The following MICU3 variants were observed in gnomAD, a reference collection of about 807,000 sequenced individuals.
MICU3 encodes the protein calcium uptake protein 3, mitochondrial.
MICU3 carries 62 observed loss-of-function variants against 66.5 expected under a neutral mutation model. The observed-to-expected ratio is 0.93, with a 90% CI of 0.76 to 1.15. The LOEUF is 1.15. MICU3 is among the 50% of genes most tolerant of loss of function. The pLI is 0.00. For synonymous variants in MICU3, 308 were observed against 240.7 expected (o/e 1.28, Z -2.59); for missense variants, 779 against 664.4 (o/e 1.17, Z -1.90).
intron 1 of MICU3, among the ~76,000 whole-genome samples, chr8:17,045,200 A>G (rs1039612547): frequency 7.2e-5 from 11 of 152,206 alleles, no homozygotes; most frequent in African/African-American, 2.7e-4. Context: ...GATAGATAAC[A>G]TATGTTTTTG....
intron 1 of MICU3, among the ~76,000 whole-genome samples, chr8:17,063,318 A>G (rs1045001593): frequency 6.6e-6 from 1 of 152,188 alleles, no homozygotes; most frequent in African/African-American, 2.4e-5. Context: ...GTATGGTAAA[A>G]TCCCACTTTT....
intron 1 of MICU3, among the ~76,000 whole-genome samples, chr8:17,063,305 C>T (rs551849366): frequency 6.6e-6 from 1 of 152,046 alleles, no homozygotes; most frequent in Admixed American, 6.6e-5. Context: ...GTTATTGAAG[C>T]ATGTATGGTA....
chr8:17,079,224 TA>T (rs1265060868), intron 4 of MICU3, among the ~76,000 whole-genome samples: 1 of 121,642 alleles, frequency 8.2e-6, no homozygotes, highest in Admixed American at 8.2e-5. Context: ...TGCTGTCTCT[TA>T]TGGTAGCTAC....
intron 2 of MICU3, 71 bp from the exon 3 acceptor site, chr8:17,069,617 T>G (rs1428103827): frequency 2.1e-6 from 2 of 956,170 alleles, no homozygotes; most frequent in Admixed American, 2.5e-5. Flanking sequence ...TGGTTGTAGA[T>G]GGTTAGCAAA....
chr8:17,029,225 C>G (rs1811579567), intron 1 of MICU3, among the ~76,000 whole-genome samples: 1 of 152,182 alleles, frequency 6.6e-6, no homozygotes, highest in Non-Finnish European at 1.5e-5. Flanking sequence ...CCTGTAATCC[C>G]AGCACTTTGG....
intron 13 of MICU3, 41 bp downstream of exon 13, chr8:17,116,641 A>T: frequency 2.9e-6 from 4 of 1,378,992 alleles, no homozygotes; most frequent in Non-Finnish European, 3.9e-6. Context: ...TCCTTTTTAA[A>T]GTCTGAGGGA....
chr8:17,040,769 A>G (rs1813931836), intron 1 of MICU3, among the ~76,000 whole-genome samples: 2 of 152,190 alleles, frequency 1.3e-5, no homozygotes, highest in South Asian at 2.1e-4. Context: ...GTCCCACTGT[A>G]TCTGCTGGTT....
chr8:17,039,820 G>A (rs978578467), intron 1 of MICU3, among the ~76,000 whole-genome samples: 1 of 147,768 alleles, frequency 6.8e-6, no homozygotes, highest in Admixed American at 6.8e-5. Flanking sequence ...TTATGGCTCA[G>A]TGTAATATTT....
intron 1 of MICU3, among the ~76,000 whole-genome samples, chr8:17,050,646 C>G (rs1039108186): frequency 1.3e-5 from 2 of 152,144 alleles, no homozygotes; most frequent in African/African-American, 4.8e-5. Flanking sequence ...CATTGCTATT[C>G]TCTAACAGTT....
chr8:17,075,448 C>T (rs1256300065), intron 3 of MICU3, among the ~76,000 whole-genome samples: 1 of 152,042 alleles, frequency 6.6e-6, no homozygotes, highest in African/African-American at 2.4e-5. Context: ...CGGGTATGAA[C>T]CAAGGATTTA....
At chr8:17,117,793 A>T (rs1306102379) in intron 13 of MICU3, among the ~76,000 whole-genome samples, 2 of 152,076 alleles carry the variant, frequency 1.3e-5, no homozygotes, top group African/African-American at 4.8e-5. Flanking sequence ...TATTTTTAGT[A>T]GAGACAGGGT....
chr8:17,109,897 A>G (rs966922516), intron 11 of MICU3, among the ~76,000 whole-genome samples: 1 of 152,240 alleles, frequency 6.6e-6, no homozygotes, highest in East Asian at 1.9e-4. Context: ...TTAAGCTTTA[A>G]GGAAATGGAT....
rs537973141 is a variant in MICU3 at position 17,028,458 on chromosome 8, T to G, written c.381+798T>G. Among the ~76,000 whole-genome samples, 334 of 152,338 alleles carry G rather than the reference T, an allele frequency of 2.2e-3. 1 individual carries two copies. Among genetic ancestry groups the G allele is most frequent in the Non-Finnish European group, 3.8e-3 (261 of 68,022 alleles). ...GAGTAAAGGAGCGTGATTTTTTTTG[T>G]CGCATCAGTATATTTAATAGTCATG... On this transcript the variant is annotated intron_variant, in intron 1 of 14. Transcript: ENST00000318063.
intron 1 of MICU3, among the ~76,000 whole-genome samples, chr8:17,046,317 A>T (rs1026783650): frequency 1.6e-4 from 24 of 152,274 alleles, no homozygotes; most frequent in African/African-American, 5.8e-4. Context: ...TGATTGCTTG[A>T]TGATGGGGAG....
At chr8:17,077,121 T>G (rs1418160068) in intron 3 of MICU3, among the ~76,000 whole-genome samples, 2 of 152,204 alleles carry the variant, frequency 1.3e-5, no homozygotes, top group Non-Finnish European at 2.9e-5. Flanking sequence ...AGTGATAGTT[T>G]GAGTTTTTTA....
In MICU3 at chr8:17,085,993, A is replaced by G. The variant is rs75082262; in HGVS notation, c.777+675A>G. On this transcript the variant is annotated intron_variant, in intron 6 of 14. Transcript: ENST00000318063. ...AGTATATTTTTTTTCTCTGAAATAG[A>G]AAATACTATTAATGTATTCCTTAGA... 8.5e-3 allele frequency among the ~76,000 whole-genome samples: 1,298 copies of G among 152,186 alleles called. 14 individuals carry two copies. The highest frequency in any genetic ancestry group is 0.029 in the African/African-American group (1,223 of 41,532).
chr8:17,063,986 A>T, intron 1 of MICU3, 98 bp from the exon 2 acceptor site: 2 of 810,624 alleles, frequency 2.5e-6, no homozygotes, highest in South Asian at 3.2e-5. Context: ...ACACTTCCTC[A>T]TTTACTCTGT....
At chr8:17,076,661 G>A (rs1820429306) in intron 3 of MICU3, among the ~76,000 whole-genome samples, 1 of 152,174 alleles carries the variant, frequency 6.6e-6, no homozygotes, top group African/African-American at 2.4e-5. Context: ...ATTTATAAAT[G>A]TCAGAAAGCA....
intron 1 of MICU3, among the ~76,000 whole-genome samples, chr8:17,040,191 AGCCACTGTGCCT>A (rs1475851342): frequency 2.0e-5 from 3 of 152,142 alleles, no homozygotes; most frequent in Non-Finnish European, 4.4e-5. Context: ...TATAGGCATG[AGCCACTGTGCCT>A]GGCCCCATTA....
Sources: allele counts gnomAD v4.1 joint callset (sites outside exome capture counted in the v4.1 genomes callset), GRCh38; gene constraint gnomAD v4.1.1; transcripts MANE v1.5; gene names NCBI Gene and HGNC (gene_info 2026-07-23, HGNC 2026-07-21).